NKAIN2: variants seen among roughly 807,000 people sequenced by gnomAD.
NKAIN2 encodes the protein sodium/potassium transporting ATPase interacting 2, also known as sodium/potassium-transporting ATPase subunit beta-1-interacting protein 2.
In NKAIN2, 14 loss-of-function variants were observed where a neutral mutation model predicts 32.6. That is an observed-to-expected ratio of 0.43 (90% CI 0.28 to 0.67). The LOEUF is 0.67. Among genes scored for constraint, NKAIN2 ranks in the 30% least tolerant of loss-of-function variants. The pLI is 0.17. For synonymous variants in NKAIN2, 80 were observed against 87.2 expected (o/e 0.92, Z 0.46); for missense variants, 198 against 258.3 (o/e 0.77, Z 1.60).
chr6:124,431,867 T>G (rs899595830), intron 3 of NKAIN2, among the ~76,000 whole-genome samples: 4 of 152,024 alleles, frequency 2.6e-5, no homozygotes, highest in African/African-American at 9.7e-5. Context: ...CCACCACCAC[T>G]AACAGCAACA....
chr6:124,276,631 A>G (rs1795047849), intron 1 of NKAIN2, among the ~76,000 whole-genome samples: 1 of 152,162 alleles, frequency 6.6e-6, no homozygotes, highest in Non-Finnish European at 1.5e-5. Context: ...GAGAATCTTA[A>G]AAGGAGAACA....
chr6:124,292,328 A>T (rs1795852069), intron 2 of NKAIN2, among the ~76,000 whole-genome samples: 1 of 152,062 alleles, frequency 6.6e-6, no homozygotes, highest in African/African-American at 2.4e-5. Context: ...TCTGCTTATT[A>T]ATCAATATCC....
intron 3 of NKAIN2, among the ~76,000 whole-genome samples, chr6:124,497,305 A>C (rs568357660): frequency 1.4e-4 from 22 of 152,320 alleles, no homozygotes; most frequent in African/African-American, 3.6e-4. Context: ...GCCACTAAAA[A>C]ATAAAAATGT....
chr6:123,924,103 AT>A (rs1464021507), intron 1 of NKAIN2, among the ~76,000 whole-genome samples: 1 of 152,314 alleles, frequency 6.6e-6, no homozygotes, highest in East Asian at 1.9e-4. Context: ...GAAATTTAAA[AT>A]TTTATTGTCA....
intron 3 of NKAIN2, among the ~76,000 whole-genome samples, chr6:124,483,112 T>C (rs1327831247): frequency 1.3e-5 from 2 of 151,380 alleles, no homozygotes; most frequent in Non-Finnish European, 2.9e-5. Flanking sequence ...ACAGAGACTG[T>C]GTTTCAAAAA....
At chr6:123,871,206 C>G (rs1299534128) in intron 1 of NKAIN2, among the ~76,000 whole-genome samples, 1 of 152,166 alleles carries the variant, frequency 6.6e-6, no homozygotes, top group African/African-American at 2.4e-5. Flanking sequence ...ATAAAGTACT[C>G]TTCACAGCTG....
intron 4 of NKAIN2, among the ~76,000 whole-genome samples, chr6:124,692,335 G>C (rs973992650): frequency 4.6e-5 from 7 of 152,056 alleles, no homozygotes; most frequent in Non-Finnish European, 7.4e-5. Context: ...AAAAATCATT[G>C]AGACAAAGTA....
chr6:124,558,681 C>G (rs1780568707), intron 3 of NKAIN2, among the ~76,000 whole-genome samples: 1 of 152,312 alleles, frequency 6.6e-6, no homozygotes, highest in South Asian at 2.1e-4. Context: ...GATGTGGTGG[C>G]TCAAGCCCGT....
At chr6:124,769,676 A>T (rs1257574743) in intron 4 of NKAIN2, among the ~76,000 whole-genome samples, 1 of 152,160 alleles carries the variant, frequency 6.6e-6, no homozygotes, top group Non-Finnish European at 1.5e-5. Context: ...TTATTGTTCT[A>T]GTAGAGGCAC....
intron 1 of NKAIN2, among the ~76,000 whole-genome samples, chr6:124,248,509 C>G (rs898024302): frequency 1.3e-5 from 2 of 151,906 alleles, no homozygotes; most frequent in African/African-American, 4.8e-5. Flanking sequence ...TATTAATTCC[C>G]AAGGATTTTT....
At position 124,001,805 on chromosome 6, in the gene NKAIN2, A is replaced by G. The variant is rs112019298; in HGVS notation, c.54+197551A>G. On this transcript the variant is annotated intron_variant, in intron 1 of 6. Coordinates refer to ENST00000368417, the MANE Select transcript of NKAIN2 (RefSeq NM_001040214.3). ...AAGAAGTTCTCTTAGTTCTAAATAT[A>G]TATATATATATATATATATATATAT... 3.6e-3 allele frequency among the ~76,000 whole-genome samples: 177 copies of G among 49,844 alleles called. 1 individual carries two copies. The highest frequency in any genetic ancestry group is 0.016 in the African/African-American group (174 of 10,812). 32.7% of individuals were successfully genotyped at this position (49,844 alleles called of 152,430 possible).
intron 2 of NKAIN2, among the ~76,000 whole-genome samples, chr6:124,283,658 G>T (rs1212859022): frequency 1.3e-5 from 2 of 152,114 alleles, no homozygotes; most frequent in Non-Finnish European, 2.9e-5. Flanking sequence ...CTTGAAGGAA[G>T]TATTTTGCAT....
intron 3 of NKAIN2, among the ~76,000 whole-genome samples, chr6:124,512,164 G>C (rs374890540): frequency 6.6e-6 from 1 of 152,092 alleles, no homozygotes; most frequent in East Asian, 1.9e-4. Context: ...ATCATCCTTT[G>C]GAGACTAATG....
At chr6:124,048,341 G>A (rs1054831841) in intron 1 of NKAIN2, among the ~76,000 whole-genome samples, 2 of 151,938 alleles carry the variant, frequency 1.3e-5, no homozygotes, top group Non-Finnish European at 2.9e-5. Context: ...TTATATGGGT[G>A]GATAGAAGAA....
intron 4 of NKAIN2, among the ~76,000 whole-genome samples, chr6:124,702,901 A>G (rs1774870639): frequency 6.6e-6 from 1 of 152,104 alleles, no homozygotes; most frequent in Non-Finnish European, 1.5e-5. Flanking sequence ...CCTTAAATAT[A>G]TGGTTTCATA....
intron 4 of NKAIN2, among the ~76,000 whole-genome samples, chr6:124,761,615 C>T (rs1481640949): frequency 6.6e-6 from 1 of 152,120 alleles, no homozygotes; most frequent in Non-Finnish European, 1.5e-5. Flanking sequence ...TTTACATTAC[C>T]TTCTGAAAAT....
intron 3 of NKAIN2, among the ~76,000 whole-genome samples, chr6:124,525,274 A>T (rs892044555): frequency 6.6e-6 from 1 of 152,158 alleles, no homozygotes; most frequent in South Asian, 2.1e-4. Flanking sequence ...TGTCTATCTT[A>T]TATAGGCAGC....
chr6:124,372,241 A>G (rs1290925759), intron 3 of NKAIN2, among the ~76,000 whole-genome samples: 1 of 152,184 alleles, frequency 6.6e-6, no homozygotes, highest in Non-Finnish European at 1.5e-5. Flanking sequence ...TAAATATTTC[A>G]TCATATGTTT....
chr6:123,896,535 C>T (rs1479379572), intron 1 of NKAIN2, among the ~76,000 whole-genome samples: 1 of 152,126 alleles, frequency 6.6e-6, no homozygotes, highest in Non-Finnish European at 1.5e-5. Flanking sequence ...AGCACATGAC[C>T]ATTCATGATG....
Sources: gnomAD v4.1 joint callset for allele counts (sites outside exome capture counted in the v4.1 genomes callset) on GRCh38, gnomAD v4.1.1 for gene constraint, MANE v1.5 for transcripts, NCBI Gene and HGNC (gene_info 2026-07-23, HGNC 2026-07-21) for gene names.